Variants in CYP11A1 observed in about 807,000 individuals in gnomAD.
CYP11A1 encodes cholesterol side-chain cleavage enzyme, mitochondrial.
CYP11A1 carries 25 observed loss-of-function variants against 51.9 expected under a neutral mutation model. The ratio of observed to expected loss-of-function variants is 0.48; its 90% CI spans 0.35 to 0.67. The LOEUF (loss-of-function observed/expected upper bound fraction) is 0.67, where lower values mean the gene tolerates loss of function less well. Ranked by LOEUF, CYP11A1 falls within the 30% of genes least tolerant of loss-of-function variation. CYP11A1 has a pLI of 0.00. For missense variants in CYP11A1, 578 were observed against 680.9 expected (o/e 0.85, Z 1.68); for synonymous variants, 245 against 262.1 (o/e 0.93, Z 0.63).
intron 1 of CYP11A1, among the ~76,000 whole-genome samples, chr15:74,360,574 G>A (rs946565806): frequency 4.0e-5 from 6 of 149,238 alleles, no homozygotes; most frequent in African/African-American, 1.5e-4. Context: ...GTGAGCCACC[G>A]CGCCTGGCCT....
At position 74,345,312 on chromosome 15, in the gene CYP11A1, G is replaced by A. The variant is rs1250249067; in HGVS notation, c.426-69C>T. On this transcript the variant is annotated intron_variant, in intron 2 of 8. Transcript: ENST00000268053. The surrounding 1 kb of genome is among the most constrained non-coding windows in gnomAD (Gnocchi z 4.3). ...AGGCCTGGTGAACACAGAGGGGGCTGACTCAGTTTTCCCAGGAAGCTGAGT... is the reference window on the plus strand; with the variant it reads ...AGGCCTGGTGAACACAGAGGGGGCTAACTCAGTTTTCCCAGGAAGCTGAGT... The A allele has an allele frequency of 3.2e-6, 5 of 1,562,524 alleles. No individual in the cohort carries two copies. In the African/African-American group the frequency reaches 6.8e-5, roughly 21 times the overall value.
rs1003553630 is a variant in CYP11A1, at chr15:74,361,550, C to A, written c.269+5767G>T. On this transcript the variant is annotated intron_variant, in intron 1 of 8. Coordinates refer to ENST00000268053, the MANE Select transcript of CYP11A1 (RefSeq NM_000781.3). ...GCCACCAGGAGCCCTGTACTATCAG[C>A]CATGGTCAACCCCACCGTGTTCTTT... 6.2e-5 allele frequency: 46 copies of A among 746,624 alleles called. 1 individual carries two copies. The Admixed American group carries it at 8.3e-4, about 13-fold the overall frequency. 46.2% of individuals were successfully genotyped at this position (746,624 alleles called of 1,614,324 possible).
chr15:74,355,761 A>G (rs1047684990), intron 1 of CYP11A1, among the ~76,000 whole-genome samples: 5 of 152,220 alleles, frequency 3.3e-5, no homozygotes, highest in African/African-American at 1.2e-4. Flanking sequence ...AGTCAAGGTT[A>G]ATGCTCCTTT....
chr15:74,347,938 A>G lies in CYP11A1; in HGVS notation c.387T>C (p.Tyr129=), dbSNP rs754916969. ...ERFLIPPWVA[Y]HQYYQRPIGV... ...CTATGGGTCTCTGGTAATACTGGTG[A>G]TAGGCGACCCAGGGCGGGATGAGGA... The change falls in exon 2 of 9, where the codon TAT becomes TAC. Residue 129 remains tyrosine (Y), a synonymous_variant. Transcript: ENST00000268053. 1 of 1,614,186 alleles carries G rather than the reference A, an allele frequency of 6.2e-7. No homozygotes were observed. The highest frequency in any genetic ancestry group is 1.1e-5 in the South Asian group (1 of 91,080).
chr15:74,366,932 TCTC>T, intron 1 of CYP11A1: 1 of 241,844 alleles, frequency 4.1e-6, no homozygotes, highest in Non-Finnish European at 8.2e-6. Context: ...GCCAGGATGG[TCTC>T]GAACTCTTGA....
rs773262967 is a variant in CYP11A1 at position 74,337,921 on chromosome 15, G to A, written c.*51C>T. 2 of 1,611,632 alleles carry A rather than the reference G, an allele frequency of 1.2e-6. No individual in the cohort carries two copies. The highest frequency in any genetic ancestry group is 1.7e-6 in the Non-Finnish European group (2 of 1,179,476). On this transcript the variant is annotated 3_prime_UTR_variant, in exon 9 of 9. Transcript: ENST00000268053. The stretch of plus-strand genomic sequence containing the variant: ...CGACTGAAGATGCAGAGACCCCATG[G>A]GCCCCACCCCTGGGCCTTCCTCCCA...
intron 3 of CYP11A1, among the ~76,000 whole-genome samples, chr15:74,344,361 G>A (rs2060622470): frequency 6.6e-6 from 1 of 152,066 alleles, no homozygotes; most frequent in Non-Finnish European, 1.5e-5. Context: ...TCCTGAAACA[G>A]GTCAGAAAGG....
intron 4 of CYP11A1, 128 bp downstream of exon 4, chr15:74,343,661 C>G (rs192766301): frequency 1.2e-6 from 1 of 849,156 alleles, no homozygotes; most frequent in Admixed American, 1.7e-5. Flanking sequence ...TTCCTGACAC[C>G]CACGCCTGCC....
intron 5 of CYP11A1, among the ~76,000 whole-genome samples, chr15:74,340,072 A>G (rs1189541536): frequency 6.6e-6 from 1 of 152,214 alleles, no homozygotes; most frequent in Non-Finnish European, 1.5e-5. Context: ...CCTTCTTCCA[A>G]AGAATTCCAG....
At chr15:74,354,025 C>A (rs1333648469) in intron 1 of CYP11A1, among the ~76,000 whole-genome samples, 2 of 152,154 alleles carry the variant, frequency 1.3e-5, no homozygotes, top group Non-Finnish European at 2.9e-5. Flanking sequence ...AGTCATATTT[C>A]TCTCACTCTG....
chr15:74,337,978 C>T lies in CYP11A1; in HGVS notation c.1560G>A (p.Gln520=), dbSNP rs778881123. The T allele has an allele frequency of 6.2e-7, 1 of 1,613,944 alleles. No individual in the cohort carries two copies. The highest frequency in any genetic ancestry group is 8.5e-7 in the Non-Finnish European group (1 of 1,180,008). The change falls in exon 9 of 9, where the codon CAG becomes CAA. Residue 520 remains glutamine, a synonymous_variant. Coordinates refer to ENST00000268053, the MANE Select transcript of CYP11A1 (RefSeq NM_000781.3). ...TGCAGGCCATCCTCTCTGATCACTGCTGGGTTGCTTCCTGGTTAAAGGGCC... is the reference window on the plus strand; with the variant it reads ...TGCAGGCCATCCTCTCTGATCACTGTTGGGTTGCTTCCTGGTTAAAGGGCC... ...TFWPFNQEAT[Q]Q is the part of the protein sequence containing the mutation.
In CYP11A1 at chr15:74,367,386, C is replaced by T. The variant is rs1172370062; in HGVS notation, c.200G>A (p.Arg67Lys). 6.2e-7 allele frequency: 1 copy of T among 1,614,174 alleles called. No individual in the cohort carries two copies. Among genetic ancestry groups the T allele is most frequent in the Admixed American group, 1.7e-5 (1 of 60,022 alleles). The change falls in exon 1 of 9, where the codon AGG becomes AAG. Residue 67 changes from arginine to lysine, a missense_variant. Transcript: ENST00000268053. Reference sequence around the variant, plus strand: ...GTGGACTTTGTGTGTGCCCGTCTCCCTCCAGAAATGGTACAGGTTTAGCCA... The same window carrying T: ...GTGGACTTTGTGTGTGCCCGTCTCCTTCCAGAAATGGTACAGGTTTAGCCA... ...NGWLNLYHFWRETGTHKVHLH... is the reference protein window; with the variant it reads ...NGWLNLYHFWKETGTHKVHLH...
At chr15:74,353,104 T>C (rs948178667) in intron 1 of CYP11A1, among the ~76,000 whole-genome samples, 1 of 152,354 alleles carries the variant, frequency 6.6e-6, no homozygotes, top group East Asian at 1.9e-4. Flanking sequence ...CACGTAATTC[T>C]GTATACAAAA....
chr15:74,348,331 G>A, intron 1 of CYP11A1: 2 of 448,880 alleles, frequency 4.5e-6, no homozygotes, highest in East Asian at 4.3e-5. Flanking sequence ...TGTTGCTGCT[G>A]TCCCACAGCA....
At chr15:74,362,921 CAA>C (rs1340627659) in intron 1 of CYP11A1, 1 of 152,074 alleles carries the variant, frequency 6.6e-6, no homozygotes, top group Non-Finnish European at 1.5e-5. Flanking sequence ...CAATCAAAAA[CAA>C]AAAATTGATT....
At chr15:74,353,756 A>C (rs2060665673) in intron 1 of CYP11A1, among the ~76,000 whole-genome samples, 1 of 152,072 alleles carries the variant, frequency 6.6e-6, no homozygotes, top group African/African-American at 2.4e-5. Context: ...TTCTCCTCTG[A>C]CTTTGCTTGT....
intron 5 of CYP11A1, among the ~76,000 whole-genome samples, chr15:74,340,165 C>T (rs2060599986): frequency 6.6e-6 from 1 of 152,182 alleles, no homozygotes; most frequent in Admixed American, 6.5e-5. Context: ...GTTAAACAAC[C>T]ACCCCTCTTT....
At chr15:74,362,939 C>T (rs1280780728) in intron 1 of CYP11A1, 1 of 152,164 alleles carries the variant, frequency 6.6e-6, no homozygotes, top group Non-Finnish European at 1.5e-5. Flanking sequence ...TGATTCACTC[C>T]ACATAACCCA....
rs752395055 is a variant in CYP11A1 at position 74,338,114 on chromosome 15, C to T, written c.1435-11G>A. On this transcript the variant is annotated splice_polypyrimidine_tract_variant and intron_variant, in intron 8 of 8. Coordinates refer to ENST00000268053, the MANE Select transcript of CYP11A1 (RefSeq NM_000781.3). The stretch of plus-strand genomic sequence containing the variant: ...GAAGTTCTCCAGCATCTGAGAAAGG[C>T]AGATGGTAGGTTTAGGGGAGGGCAG... 4 of 1,614,150 alleles carry T rather than the reference C, an allele frequency of 2.5e-6. No homozygotes were observed. Among genetic ancestry groups the T allele is most frequent in the Non-Finnish European group, 3.4e-6 (4 of 1,180,002 alleles).
Sources: gnomAD v4.1 joint callset for allele counts (sites outside exome capture counted in the v4.1 genomes callset) on GRCh38, gnomAD v4.1.1 for gene constraint, Gnocchi (gnomAD v3.1) non-coding constraint, MANE v1.5 for transcripts, NCBI Gene and HGNC (gene_info 2026-07-23, HGNC 2026-07-21) for gene names.